The following CCDC73 variants were observed in gnomAD, a reference collection of about 807,000 sequenced individuals.
CCDC73 encodes coiled-coil domain-containing protein 73.
In CCDC73, 95 loss-of-function variants were observed where a neutral mutation model predicts 116.5. The observed-to-expected ratio is 0.82, with a 90% CI of 0.69 to 0.97. The LOEUF is 0.97. Ranked by LOEUF, CCDC73 falls within the 50% of genes least tolerant of loss-of-function variation. CCDC73 has a pLI of 0.00. For missense variants in CCDC73, 1,066 were observed against 1,206.8 expected (o/e 0.88, Z 1.73); for synonymous variants, 398 against 401.3 (o/e 0.99, Z 0.10).
chr11:32,763,350 G>A (rs1186448449), intron 1 of CCDC73, among the ~76,000 whole-genome samples: 2 of 152,236 alleles, frequency 1.3e-5, no homozygotes, highest in Non-Finnish European at 2.9e-5. Flanking sequence ...CCCCCCAGTA[G>A]GGGCAGACTG....
rs781144280 is a variant in CCDC73 at position 32,616,007 on chromosome 11, T to TGAACAAA, written c.1301_1307dup (p.Asp437LeufsTer5). Reference sequence around the variant, plus strand: ...CTTCTTTTTCTCTGTATTCAGTATCTGAACAAAAATTCTCCATATTTTCTT... The same window carrying TGAACAAA: ...CTTCTTTTTCTCTGTATTCAGTATCTGAACAAAGAACAAAAATTCTCCATATTTTCTT... On this transcript the variant is annotated frameshift_variant, in exon 15 of 18. Transcript: ENST00000335185. LOFTEE classifies it high-confidence loss of function. 3 of 1,602,204 alleles carry TGAACAAA rather than the reference T, an allele frequency of 1.9e-6. No individual in the cohort carries two copies. Among genetic ancestry groups the TGAACAAA allele is most frequent in the Non-Finnish European group, 2.6e-6 (3 of 1,173,484 alleles).
chr11:32,792,789 C>T (rs1850688457), intron 1 of CCDC73, among the ~76,000 whole-genome samples: 1 of 152,284 alleles, frequency 6.6e-6, no homozygotes, highest in South Asian at 2.1e-4. Context: ...CTAGCTCCAC[C>T]ACTTGTCGGC....
At chr11:32,748,255 T>C (rs372450698) in intron 2 of CCDC73, among the ~76,000 whole-genome samples, 1,091 of 97,974 alleles carry the variant, frequency 0.011, 17 homozygotes, top group African/African-American at 0.038. Flanking sequence ...TTTTCTCTGG[T>C]GGTATTTTTT....
At chr11:32,802,152 C>T in the CCDC73 span, among the ~76,000 whole-genome samples, 1 of 152,144 alleles carries the variant, frequency 6.6e-6, no homozygotes, top group Non-Finnish European at 1.5e-5. Context: ...TCAGTTAGGT[C>T]CTTCCAAATA....
rs1420361974 is a variant in CCDC73, at chr11:32,718,106, A to G, written c.177T>C (p.Ile59=). ...IHYEEQIGKI[I]VETQELKWQK... ...GCCATTTAAGTTCCTGTGTCTCCAC[A>G]ATAATTTTACCAATCTGCTCTTCAT... is the stretch of plus-strand genomic sequence containing the variant. Residue 59 remains isoleucine, a synonymous_variant, in exon 3 of 18, where the codon ATT becomes ATC. Coordinates refer to ENST00000335185, the MANE Select transcript of CCDC73 (RefSeq NM_001008391.4). 1 of 1,609,024 alleles carries G rather than the reference A, an allele frequency of 6.2e-7. No homozygotes were observed. Among genetic ancestry groups the G allele is most frequent in the East Asian group, 2.2e-5 (1 of 44,722 alleles).
chr11:32,603,070 T>G (rs1231699218), intron 17 of CCDC73, 50 bp from the exon 18 acceptor site: 3 of 1,448,534 alleles, frequency 2.1e-6, no homozygotes, highest in Non-Finnish European at 2.8e-6. Context: ...ACAAAAGATT[T>G]TAAAGAGTCT....
chr11:32,708,981 G>A (rs1055549098), intron 3 of CCDC73, among the ~76,000 whole-genome samples: 1 of 152,132 alleles, frequency 6.6e-6, no homozygotes, highest in Non-Finnish European at 1.5e-5. Context: ...TCCTTGTCTT[G>A]TTCCAGTTCT....
intron 2 of CCDC73, among the ~76,000 whole-genome samples, chr11:32,753,380 C>T (rs1850304976): frequency 6.6e-6 from 1 of 151,068 alleles, no homozygotes; most frequent in Non-Finnish European, 1.5e-5. Context: ...TCACTGCAGC[C>T]TTGACCTTCT....
In CCDC73 at chr11:32,683,532, T is replaced by C. The variant is rs1856166866; in HGVS notation, c.429+4A>G. ...GGGGAAAATATGTTTTGTAATTTCC[T>C]TACCATTTCACTCACTTTCTTCTGT... is the stretch of plus-strand genomic sequence containing the variant. On this transcript the variant is annotated splice_donor_region_variant and intron_variant, in intron 7 of 17. Coordinates refer to ENST00000335185, the MANE Select transcript of CCDC73 (RefSeq NM_001008391.4). The C allele has an allele frequency of 2.6e-6, 4 of 1,515,520 alleles. No homozygotes were observed. Among genetic ancestry groups the C allele is most frequent in the Non-Finnish European group, 3.7e-6 (4 of 1,093,476 alleles). 93.9% of individuals were successfully genotyped at this position (1,515,520 alleles called of 1,614,324 possible).
upstream of CCDC73, among the ~76,000 whole-genome samples, chr11:32,796,708 C>A (rs931117100): frequency 6.6e-6 from 1 of 151,944 alleles, no homozygotes; most frequent in Admixed American, 6.6e-5. Context: ...GGATGTGATG[C>A]CCTTATAAAG....
At chr11:32,731,108 G>A (rs576405984) in intron 2 of CCDC73, among the ~76,000 whole-genome samples, 29 of 152,280 alleles carry the variant, frequency 1.9e-4, no homozygotes, top group Admixed American at 1.3e-4. Context: ...CATAGCAAAC[G>A]ACACACCAGG....
intron 3 of CCDC73, among the ~76,000 whole-genome samples, chr11:32,715,422 G>A (rs1327827937): frequency 1.3e-5 from 2 of 151,858 alleles, no homozygotes; most frequent in African/African-American, 4.8e-5. Context: ...GGAATCTTAA[G>A]TACTGTTGCA....
chr11:32,800,834 A>G, the CCDC73 span, among the ~76,000 whole-genome samples: 1 of 152,230 alleles, frequency 6.6e-6, no homozygotes, highest in Non-Finnish European at 1.5e-5. Context: ...ATTTAATAAA[A>G]TGGAGGAGGA....
chr11:32,763,544 G>C (rs1193100185), intron 1 of CCDC73, among the ~76,000 whole-genome samples: 2 of 152,196 alleles, frequency 1.3e-5, no homozygotes, highest in African/African-American at 4.8e-5. Context: ...CAGACCTGCA[G>C]CTGAGGGTCC....
chr11:32,667,215 CAG>C (rs1258584359), intron 9 of CCDC73, among the ~76,000 whole-genome samples: 2 of 152,214 alleles, frequency 1.3e-5, no homozygotes, highest in African/African-American at 4.8e-5. Context: ...TTTAAGTCTG[CAG>C]AGGTTTCTGC....
intron 9 of CCDC73, among the ~76,000 whole-genome samples, chr11:32,669,523 C>G (rs950993209): frequency 6.6e-6 from 1 of 152,074 alleles, no homozygotes; most frequent in Non-Finnish European, 1.5e-5. Context: ...AATAATCACC[C>G]TGTTGTGCTA....
the CCDC73 span, among the ~76,000 whole-genome samples, chr11:32,802,925 CT>C: frequency 1.2e-3 from 170 of 138,424 alleles, no homozygotes; most frequent in Admixed American, 1.2e-3. Context: ...GCTAATTTTT[CT>C]TTTTTTTTTT....
chr11:32,659,266 G>C (rs971549909), intron 9 of CCDC73, among the ~76,000 whole-genome samples: 1 of 152,108 alleles, frequency 6.6e-6, no homozygotes, highest in African/African-American at 2.4e-5. Context: ...AGAACCCAAT[G>C]TGTGACCTGT....
rs115083764 is a variant in CCDC73 at position 32,787,527 on chromosome 11, A to G, written c.-16+7086T>C. 7.2e-3 allele frequency among the ~76,000 whole-genome samples: 1,103 copies of G among 152,332 alleles called. 17 individuals carry two copies. The highest frequency in any genetic ancestry group is 0.025 in the African/African-American group (1,060 of 41,584). On this transcript the variant is annotated intron_variant, in intron 1 of 17. Transcript: ENST00000335185. ...CAAAAAAATTATTTGGTAAAGAACC[A>G]TAAGTTTCAAGTTGCTTTTTTCTTA... is the stretch of plus-strand genomic sequence containing the variant.
Sources: gnomAD v4.1 joint callset for allele counts (sites outside exome capture counted in the v4.1 genomes callset) on GRCh38, gnomAD v4.1.1 for gene constraint, MANE v1.5 for transcripts, NCBI Gene and HGNC (gene_info 2026-07-23, HGNC 2026-07-21) for gene names.